Variants in TMED8 observed in about 807,000 individuals in gnomAD.
The protein encoded by TMED8 is protein TMED8.
Under a neutral mutation model 32.7 loss-of-function variants are expected in TMED8, and 15 were observed. The ratio of observed to expected loss-of-function variants is 0.46; its 90% confidence interval spans 0.31 to 0.71. The LOEUF (loss-of-function observed/expected upper bound fraction) is 0.71. Among genes scored for constraint, TMED8 ranks in the 30% least tolerant of loss-of-function variants. The probability of loss-of-function intolerance (pLI) is 0.06; values close to 1 mark genes in which losing one functional copy is unlikely to be tolerated. For missense variants in TMED8, 390 were observed against 423.9 expected (o/e 0.92, Z 0.70); for synonymous variants, 147 against 161.4 (o/e 0.91, Z 0.68).
At chr14:77,351,411 A>ATTTTTTTTTTT (rs1181134385) in intron 2 of TMED8, among the ~76,000 whole-genome samples, 103 of 102,120 alleles carry the variant, frequency 1.0e-3, no homozygotes, top group African/African-American at 1.6e-3. Context: ...CGCCCCGCTA[A>ATTTTTTTTTTT]TTTTTTTTTT....
chr14:77,350,538 G>A (rs1328872927), intron 2 of TMED8, among the ~76,000 whole-genome samples: 1 of 152,208 alleles, frequency 6.6e-6, no homozygotes, highest in Non-Finnish European at 1.5e-5. Flanking sequence ...TTGGAAAGGT[G>A]AGACTACAAC....
chr14:77,346,760 G>GTTTTTTGTT (rs1893047304), intron 2 of TMED8, among the ~76,000 whole-genome samples: 1 of 69,442 alleles, frequency 1.4e-5, no homozygotes, highest in African/African-American at 5.3e-5. Flanking sequence ...TGCTGGTCTG[G>GTTTTTTGTT]TTTTTTTTTT....
At chr14:77,369,354 T>C (rs566453712) in intron 1 of TMED8, among the ~76,000 whole-genome samples, 6 of 152,372 alleles carry the variant, frequency 3.9e-5, no homozygotes, top group Non-Finnish European at 8.8e-5. Context: ...TATTTCTATA[T>C]GTATTTTAGA....
chr14:77,335,539 T>C lies in TMED8; in HGVS notation c.*6232A>G, dbSNP rs1892741626. 1 of 152,258 alleles carries C rather than the reference T, an allele frequency of 6.6e-6. No individual in the cohort carries two copies. Among genetic ancestry groups the C allele is most frequent in the South Asian group, 2.1e-4 (1 of 4,836 alleles). 9.4% of individuals were successfully genotyped at this position (152,258 alleles called of 1,614,324 possible). ...TCATCTTTCAGTCAACTGACTGATC[T>C]GAGTACATGGCACCAAAGAAAGCCC... On this transcript the variant is annotated 3_prime_UTR_variant, in exon 6 of 6. Transcript: ENST00000216468.
At chr14:77,372,226 A>T (rs1389618478) in intron 1 of TMED8, among the ~76,000 whole-genome samples, 1 of 152,240 alleles carries the variant, frequency 6.6e-6, no homozygotes, top group Non-Finnish European at 1.5e-5. Flanking sequence ...AACTTATTTT[A>T]TATTTGACAA....
intron 3 of TMED8, among the ~76,000 whole-genome samples, chr14:77,345,346 G>C (rs1337079785): frequency 1.3e-5 from 2 of 152,186 alleles, no homozygotes; most frequent in Non-Finnish European, 2.9e-5. Flanking sequence ...TTGTTCTCAG[G>C]AGTAAATGAA....
intron 1 of TMED8, among the ~76,000 whole-genome samples, chr14:77,353,069 C>T (rs1893215554): frequency 6.6e-6 from 1 of 152,160 alleles, no homozygotes; most frequent in Non-Finnish European, 1.5e-5. Flanking sequence ...CTTATCACAG[C>T]CATTTTTGCA....
rs552909281 is a variant in TMED8 at position 77,352,942 on chromosome 14, C to A, written c.119-1191G>T. 2.6e-5 allele frequency among the ~76,000 whole-genome samples: 4 copies of A among 152,236 alleles called. No individual in the cohort carries two copies. In the South Asian group the frequency reaches 8.3e-4, roughly 32 times the overall value. On this transcript the variant is annotated intron_variant, in intron 1 of 5. Coordinates refer to ENST00000216468, the MANE Select transcript of TMED8 (RefSeq NM_213601.3). Reference sequence around the variant, plus strand: ...ACTTTTGTATTTTCATTTATTTATTCAATCACTCATTTACCAATGATTTAC... The same window carrying A: ...ACTTTTGTATTTTCATTTATTTATTAAATCACTCATTTACCAATGATTTAC...
chr14:77,367,906 T>C (rs1566694092), intron 1 of TMED8, among the ~76,000 whole-genome samples: 1 of 152,104 alleles, frequency 6.6e-6, no homozygotes, highest in Non-Finnish European at 1.5e-5. Flanking sequence ...GTTGGCCAGG[T>C]TGGTCTCAAA....
At chr14:77,374,916 C>T (rs1035469302) in intron 1 of TMED8, among the ~76,000 whole-genome samples, 2 of 152,198 alleles carry the variant, frequency 1.3e-5, no homozygotes, top group Non-Finnish European at 2.9e-5. Context: ...ATACTTGATT[C>T]ATGGCCAATA....
intron 1 of TMED8, chr14:77,359,848 A>C (rs565501194): frequency 5.4e-6 from 1 of 183,842 alleles, no homozygotes; most frequent in African/African-American, 2.4e-5. Flanking sequence ...GTGAGAAAAA[A>C]TTTACAGTTC....
rs1305152725 is a variant in TMED8 at position 77,340,908 on chromosome 14, A to G, written c.*863T>C. The G allele has an allele frequency of 2.7e-5, 4 of 149,332 alleles. No individual in the cohort carries two copies. Among genetic ancestry groups the G allele is most frequent in the African/African-American group, 9.8e-5 (4 of 40,706 alleles). The allele number at this position is 149,332 out of a possible 1,614,324, so 9.3% of individuals were successfully genotyped here. A position where few individuals can be genotyped will look rare whatever the true frequency, so the allele number is the denominator to read the frequency against. ...TTTTTCATCTTCTCTGTCAGATGAT[A>G]CCATTCCTTCTTTGATTATACCAAA... On this transcript the variant is annotated 3_prime_UTR_variant, in exon 6 of 6. Coordinates refer to ENST00000216468, the MANE Select transcript of TMED8 (RefSeq NM_213601.3).
At chr14:77,344,866 C>G (rs1892988682) in intron 3 of TMED8, among the ~76,000 whole-genome samples, 1 of 152,206 alleles carries the variant, frequency 6.6e-6, no homozygotes, top group Non-Finnish European at 1.5e-5. Context: ...CAGACTTTGG[C>G]TAGCGTGCTT....
intron 1 of TMED8, among the ~76,000 whole-genome samples, chr14:77,372,437 A>C (rs142945839): frequency 1.3e-5 from 2 of 152,222 alleles, no homozygotes; most frequent in South Asian, 4.1e-4. Flanking sequence ...CTCAGTAAAC[A>C]GGCTGCAAAG....
intron 1 of TMED8, among the ~76,000 whole-genome samples, chr14:77,353,741 G>A (rs184040873): frequency 9.0e-4 from 136 of 151,898 alleles, no homozygotes; most frequent in African/African-American, 3.0e-3. Flanking sequence ...GATTACAGGC[G>A]TGAGCCACTG....
chr14:77,350,702 A>G (rs899746030), intron 2 of TMED8, among the ~76,000 whole-genome samples: 1 of 151,962 alleles, frequency 6.6e-6, no homozygotes, highest in Non-Finnish European at 1.5e-5. Flanking sequence ...GGTCCTAGCT[A>G]CTCACAAGGC....
intron 1 of TMED8, among the ~76,000 whole-genome samples, chr14:77,373,898 C>G (rs1893754426): frequency 6.6e-6 from 1 of 152,038 alleles, no homozygotes; most frequent in Non-Finnish European, 1.5e-5. Context: ...GACCTCCTCC[C>G]GTCTCTCTCT....
Position 77,365,509 on chromosome 14 carries a change from T to A in TMED8, c.118+11427A>T, listed in dbSNP as rs28402121. 2.0e-3 allele frequency among the ~76,000 whole-genome samples: 304 copies of A among 152,138 alleles called. 1 individual carries two copies. Among genetic ancestry groups the A allele is most frequent in the African/African-American group, 7.0e-3 (292 of 41,506 alleles). ...ATGACCAGGACTTGGCCAAGTCAAG[T>A]GGAAAAGGGCACTGCAGGCAAAGGA... On this transcript the variant is annotated intron_variant, in intron 1 of 5. Transcript: ENST00000216468.
chr14:77,360,333 C>A (rs986603999), intron 1 of TMED8, among the ~76,000 whole-genome samples: 1 of 152,118 alleles, frequency 6.6e-6, no homozygotes, highest in Non-Finnish European at 1.5e-5. Context: ...TACACCTCCC[C>A]CTTTCCTCTA....
Sources: gnomAD v4.1 joint callset for allele counts (sites outside exome capture counted in the v4.1 genomes callset) on GRCh38, gnomAD v4.1.1 for gene constraint, MANE v1.5 for transcripts, NCBI Gene and HGNC (gene_info 2026-07-23, HGNC 2026-07-21) for gene names.